PREX2: variants seen among roughly 807,000 people sequenced by gnomAD.
The protein encoded by PREX2 is phosphatidylinositol-3,4,5-trisphosphate dependent Rac exchange factor 2, also known as phosphatidylinositol 3,4,5-trisphosphate-dependent Rac exchanger 2 protein.
PREX2 carries 107 observed loss-of-function variants against 203.2 expected under a neutral mutation model. The observed-to-expected ratio is 0.53, with a 90% CI of 0.45 to 0.62. The LOEUF is 0.62. Ranked by LOEUF, PREX2 falls within the 20% of genes least tolerant of loss-of-function variation. The probability of loss-of-function intolerance (pLI) is 0.00; values close to 1 mark genes in which losing one functional copy is unlikely to be tolerated. For missense variants in PREX2, 1,777 were observed against 1,955.9 expected (o/e 0.91, Z 1.72); for synonymous variants, 672 against 663.6 (o/e 1.01, Z -0.19).
At chr8:67,967,922 A>G (rs6999530) in intron 1 of PREX2, among the ~76,000 whole-genome samples, 66,158 of 151,776 alleles carry the variant, frequency 0.44, 15,045 homozygotes, top group East Asian at 0.61. Flanking sequence ...CACACACCTG[A>G]GCCTGTCGTG....
rs1231380663 is a variant in PREX2 at position 68,055,962 on chromosome 8, G to T, written c.1226G>T (p.Cys409Phe). The T allele has an allele frequency of 6.2e-7, 1 of 1,610,658 alleles. No individual in the cohort carries two copies. Among genetic ancestry groups the T allele is most frequent in the East Asian group, 2.2e-5 (1 of 44,852 alleles). ...RKRKLTTFPK[C>F]FLGSEFVSWL... ...AGAAAACTGACTACGTTCCCTAAAT[G>T]CTTTCTTGGAAGGTAGGGTTGGGAG... Residue 409 changes from cysteine (C) to phenylalanine (F), a missense_variant, in exon 10 of 40, where the codon TGC becomes TTC. Cys to Phe is a radical substitution (Grantham distance 205). Transcript: ENST00000288368.
At chr8:68,107,139 G>C (rs1810433120) in intron 23 of PREX2, among the ~76,000 whole-genome samples, 1 of 152,148 alleles carries the variant, frequency 6.6e-6, no homozygotes, top group African/African-American at 2.4e-5. Flanking sequence ...AGTAGTCAGG[G>C]AAATTGAACC....
At position 68,134,213 on chromosome 8, in the gene PREX2, G is replaced by C; in HGVS notation, c.3921G>C (p.Trp1307Cys). Residue 1307 changes from tryptophan (W) to cysteine (C), a missense_variant, in exon 32 of 40, where the codon TGG (tryptophan) becomes TGC (cysteine). By Grantham distance (215) the Trp-to-Cys change is radical. Coordinates refer to ENST00000288368, the MANE Select transcript of PREX2 (RefSeq NM_024870.4). ...AAACTTGGGAAGCCAGCAGGAGGTGGCTGGACCAGATAGCGAATGCAGGTG... is the reference window on the plus strand; with the variant it reads ...AAACTTGGGAAGCCAGCAGGAGGTGCCTGGACCAGATAGCGAATGCAGGTG... The part of the protein sequence containing the change: ...EMETWEASRR[W>C]LDQIANAGVL... 6.2e-7 allele frequency: 1 copy of C among 1,614,138 alleles called. No homozygotes were observed. Among genetic ancestry groups the C allele is most frequent in the Non-Finnish European group, 8.5e-7 (1 of 1,179,998 alleles).
chr8:68,065,406 A>G (rs1393446860), intron 11 of PREX2, among the ~76,000 whole-genome samples: 1 of 152,206 alleles, frequency 6.6e-6, no homozygotes, highest in African/African-American at 2.4e-5. Context: ...TTTCTTTCAT[A>G]CAGGCTTTTT....
intron 31 of PREX2, among the ~76,000 whole-genome samples, chr8:68,128,295 A>G (rs1810936344): frequency 6.6e-6 from 1 of 152,246 alleles, no homozygotes; most frequent in South Asian, 2.1e-4. Flanking sequence ...CATTAACTAG[A>G]TGTTGATAGG....
chr8:68,003,692 C>T (rs1157244339), intron 1 of PREX2, among the ~76,000 whole-genome samples: 5 of 151,958 alleles, frequency 3.3e-5, no homozygotes, highest in South Asian at 2.1e-4. Flanking sequence ...TACCATTAGC[C>T]GAGTTAACGT....
intron 25 of PREX2, among the ~76,000 whole-genome samples, chr8:68,115,021 C>CTT (rs5892137): frequency 7.9e-3 from 684 of 86,652 alleles, no homozygotes; most frequent in Non-Finnish European, 0.011. Context: ...TCTTTTCTTT[C>CTT]TTTTTTTTTT....
chr8:68,131,025 G>A (rs1016246139), intron 31 of PREX2, among the ~76,000 whole-genome samples: 8 of 152,210 alleles, frequency 5.3e-5, no homozygotes, highest in South Asian at 2.1e-4. Flanking sequence ...CCCAGTGTAC[G>A]CCATAGGGCA....
intron 19 of PREX2, 50 bp from the exon 20 acceptor site, chr8:68,090,529 A>G: frequency 2.0e-6 from 3 of 1,523,408 alleles, no homozygotes; most frequent in Non-Finnish European, 2.7e-6. Context: ...ATACAAATGA[A>G]TCTTATTCCT....
intron 11 of PREX2, among the ~76,000 whole-genome samples, chr8:68,062,995 A>G (rs912235592): frequency 6.6e-6 from 1 of 152,216 alleles, no homozygotes; most frequent in Non-Finnish European, 1.5e-5. Flanking sequence ...GAGTGAACAG[A>G]TGATACTTAT....
chr8:68,116,766 A>G (rs1810667856), intron 26 of PREX2, among the ~76,000 whole-genome samples: 1 of 152,182 alleles, frequency 6.6e-6, no homozygotes, highest in Non-Finnish European at 1.5e-5. Flanking sequence ...ATCTCCAAAT[A>G]AAGTCACATT....
intron 37 of PREX2, among the ~76,000 whole-genome samples, chr8:68,201,398 A>G (rs556528500): frequency 1.8e-4 from 28 of 152,304 alleles, no homozygotes; most frequent in African/African-American, 6.5e-4. Flanking sequence ...GTATTGACTC[A>G]CACGACTAGG....
chr8:68,115,017 C>CTTTCTTTTTTTTTT (rs1810617070), intron 25 of PREX2, among the ~76,000 whole-genome samples: 2 of 119,666 alleles, frequency 1.7e-5, no homozygotes, highest in Non-Finnish European at 3.4e-5. Context: ...CTTTTCTTTT[C>CTTTCTTTTTTTTTT]TTTCTTTTTT....
intron 1 of PREX2, among the ~76,000 whole-genome samples, chr8:67,966,857 C>G (rs1450887059): frequency 1.3e-5 from 2 of 152,170 alleles, no homozygotes; most frequent in African/African-American, 2.4e-5. Context: ...CTGCCAATCA[C>G]TATTCAAGGT....
At chr8:68,077,262 T>A (rs1220159597) in intron 14 of PREX2, 135 bp from the exon 15 acceptor site, 2 of 678,458 alleles carry the variant, frequency 2.9e-6, no homozygotes, top group Non-Finnish European at 5.5e-6. Context: ...TTAGATGCAT[T>A]CTGTCTTATA....
At chr8:68,066,450 C>T (rs1258502790) in intron 11 of PREX2, among the ~76,000 whole-genome samples, 1 of 152,110 alleles carries the variant, frequency 6.6e-6, no homozygotes, top group East Asian at 1.9e-4. Context: ...TTTCGATTTG[C>T]ATTTCCCTGA....
At chr8:68,082,093 C>T (rs1809548939) in intron 17 of PREX2, 1 of 152,054 alleles carries the variant, frequency 6.6e-6, no homozygotes, top group Non-Finnish European at 1.5e-5. Flanking sequence ...GTTATATACT[C>T]AGCAGTGTTC....
intron 6 of PREX2, among the ~76,000 whole-genome samples, chr8:68,033,467 G>T (rs1306236156): frequency 6.7e-6 from 1 of 148,694 alleles, no homozygotes. Flanking sequence ...TCTACTGAAG[G>T]TAGTATAGTA....
chr8:67,958,856 C>T (rs1465338542), intron 1 of PREX2, among the ~76,000 whole-genome samples: 1 of 152,024 alleles, frequency 6.6e-6, no homozygotes, highest in Non-Finnish European at 1.5e-5. Context: ...ATGCAGGGGA[C>T]AGAACAGCAC....
Sources: allele counts gnomAD v4.1 joint callset (sites outside exome capture counted in the v4.1 genomes callset), GRCh38; gene constraint gnomAD v4.1.1; transcripts MANE v1.5; gene names NCBI Gene and HGNC (gene_info 2026-07-23, HGNC 2026-07-21).